FBXO47: variants seen among roughly 807,000 people sequenced by gnomAD.
The protein encoded by FBXO47 is F-box only protein 47.
A neutral mutation model predicts 53.9 loss-of-function variants in FBXO47; 34 were observed. The observed-to-expected ratio is 0.63, with a 90% CI of 0.48 to 0.84. The LOEUF (loss-of-function observed/expected upper bound fraction) is 0.84. Ranked by LOEUF, FBXO47 falls within the 40% of genes least tolerant of loss-of-function variation. The pLI is 0.00. For synonymous variants in FBXO47, 165 were observed against 181.6 expected, an observed-to-expected ratio of 0.91 and a Z score of 0.73; for missense variants, 485 against 541.3, an observed-to-expected ratio of 0.90 and a Z score of 1.03.
At position 38,946,419 on chromosome 17, in the gene FBXO47, T is replaced by C. The variant is rs1177870321; in HGVS notation, c.617-1283A>G. Among the ~76,000 whole-genome samples the C allele has an allele frequency of 1.9e-3, 131 of 70,740 alleles. 4 individuals are homozygous for C. In the East Asian group the frequency reaches 0.071, roughly 39 times the overall value. The allele number at this position is 70,740 out of a possible 152,430, so 46.4% of individuals were successfully genotyped here. A position where few individuals can be genotyped will look rare whatever the true frequency, so the allele number is the denominator to read the frequency against. On this transcript the variant is annotated intron_variant, in intron 6 of 10. Coordinates refer to ENST00000378079, the MANE Select transcript of FBXO47 (RefSeq NM_001008777.3). ...ATATATAAATATATAGATATATATATAACTATATAAATATATATGAATATA... is the reference window on the plus strand; with the variant it reads ...ATATATAAATATATAGATATATATACAACTATATAAATATATATGAATATA...
At chr17:38,944,825 C>G (rs527813295) in intron 7 of FBXO47, 135 bp downstream of exon 7, 8 of 520,892 alleles carry the variant, frequency 1.5e-5, no homozygotes, top group Non-Finnish European at 2.4e-5. Context: ...GAGCCATGAT[C>G]GCACCACTGT....
rs1906148424 is a variant in FBXO47 at position 38,966,694 on chromosome 17, T to G, written c.-27+535A>C. On this transcript the variant is annotated intron_variant, in intron 1 of 10. Transcript: ENST00000378079. ...TGTTTAAAATAAATATAAACAAAAA[T>G]TTAAAAATGATAAGCCCAAATTCTT... is the stretch of plus-strand genomic sequence containing the variant. Among the ~76,000 whole-genome samples, 9 of 152,228 alleles carry G rather than the reference T, an allele frequency of 5.9e-5. No individual in the cohort carries two copies. In the South Asian group the frequency reaches 1.9e-3, roughly 32 times the overall value.
At chr17:38,938,426 G>C in intron 10 of FBXO47, 147 bp downstream of exon 10, 1 of 554,492 alleles carries the variant, frequency 1.8e-6, no homozygotes, top group Non-Finnish European at 3.0e-6. Flanking sequence ...TCTACTTATT[G>C]TTAGTTTTTA....
At chr17:38,951,740 CAT>C in intron 5 of FBXO47, 51 bp from the exon 6 acceptor site, 1 of 1,393,684 alleles carries the variant, frequency 7.2e-7, no homozygotes, top group Non-Finnish European at 1.0e-6. Context: ...CAAGTCAAAA[CAT>C]AAGTCACACC....
chr17:38,960,231 C>T (rs144782579), intron 3 of FBXO47, among the ~76,000 whole-genome samples: 42 of 151,146 alleles, frequency 2.8e-4, no homozygotes, highest in African/African-American at 9.2e-4. Flanking sequence ...CCCAGGAGTA[C>T]GGGCCAGCCT....
rs745342442 is a variant in FBXO47 at position 38,957,250 on chromosome 17, A to T, written c.356T>A (p.Leu119Gln). The change falls in exon 4 of 11, where the codon CTA becomes CAA. Residue 119 changes from leucine (L) to glutamine (Q), a missense_variant. Coordinates refer to ENST00000378079, the MANE Select transcript of FBXO47 (RefSeq NM_001008777.3). ...CAGCAATGTGCATCTTTTAAACAGTAGACCTAAGAAAGTAAAGAGACATAA... is the reference window on the plus strand; with the variant it reads ...CAGCAATGTGCATCTTTTAAACAGTTGACCTAAGAAAGTAAAGAGACATAA... ...AILEHYRSLG[L>Q]LFKRCTLLLP... 4 of 1,606,108 alleles carry T rather than the reference A, an allele frequency of 2.5e-6. No homozygotes were observed. The highest frequency in any genetic ancestry group is 4.5e-5 in the East Asian group (2 of 44,712).
At chr17:38,963,214 G>A (rs1905910502) in intron 1 of FBXO47, among the ~76,000 whole-genome samples, 163 bp from the exon 2 acceptor site, 1 of 151,946 alleles carries the variant, frequency 6.6e-6, no homozygotes, top group South Asian at 2.1e-4. Context: ...GTCTTGCTCT[G>A]TTGCCCAGGC....
chr17:38,948,417 G>T (rs985820161), intron 6 of FBXO47, among the ~76,000 whole-genome samples: 1 of 151,838 alleles, frequency 6.6e-6, no homozygotes, highest in African/African-American at 2.4e-5. Flanking sequence ...GTTTTGCCAT[G>T]TTGACCAGGC....
Position 38,938,822 on chromosome 17 carries a change from T to C in FBXO47, c.1084-90A>G, listed in dbSNP as rs1422539330. The C allele has an allele frequency of 3.7e-6, 4 of 1,084,182 alleles. No homozygotes were observed. In the East Asian group the frequency reaches 9.6e-5, roughly 26 times the overall value. The allele number at this position is 1,084,182 out of a possible 1,614,324, so 67.2% of individuals were successfully genotyped here. A position where few individuals can be genotyped will look rare whatever the true frequency, so the allele number is the denominator to read the frequency against. On this transcript the variant is annotated intron_variant, in intron 9 of 10. Coordinates refer to ENST00000378079, the MANE Select transcript of FBXO47 (RefSeq NM_001008777.3). Reference sequence around the variant, plus strand: ...TGAACAATGATGAATAATTATAGTTTGTGATTTTACATAATTTATGATACC... The same window carrying C: ...TGAACAATGATGAATAATTATAGTTCGTGATTTTACATAATTTATGATACC...
In FBXO47 at chr17:38,943,428, C is replaced by T. The variant is rs534546165; in HGVS notation, c.940+162G>A. Among the ~76,000 whole-genome samples, 6 of 152,214 alleles carry T rather than the reference C, an allele frequency of 3.9e-5. No homozygotes were observed. The East Asian group carries it at 9.6e-4, about 24-fold the overall frequency. ...CAAAGGAAAGTAAGTTGATTATATGCATTCTCTTCAAACATAATGCCAAAC... is the reference window on the plus strand; with the variant it reads ...CAAAGGAAAGTAAGTTGATTATATGTATTCTCTTCAAACATAATGCCAAAC... On this transcript the variant is annotated intron_variant, in intron 8 of 10. Transcript: ENST00000378079.
At position 38,945,064 on chromosome 17, in the gene FBXO47, C is replaced by A; in HGVS notation, c.689G>T (p.Arg230Leu). The change falls in exon 7 of 11, where the codon CGA becomes CTA. Residue 230 changes from arginine to leucine, a missense_variant. Physicochemically the swap from Arg to Leu is moderately radical, Grantham distance 102. Transcript: ENST00000378079. ...CGTCAACCAAAAAGCAGAATCACTT[C>A]GATGTGTCCAATGATCAAGGAGGAC... The part of the protein sequence containing the change: ...RNVLLDHWTH[R>L]SDSAFWLTRI... 1.9e-6 allele frequency: 3 copies of A among 1,613,964 alleles called. No homozygotes were observed. Among genetic ancestry groups the A allele is most frequent in the Non-Finnish European group, 2.5e-6 (3 of 1,179,912 alleles).
chr17:38,938,740 A>G lies in FBXO47; in HGVS notation c.1084-8T>C. 6.4e-7 allele frequency: 1 copy of G among 1,570,620 alleles called. No homozygotes were observed. The highest frequency in any genetic ancestry group is 8.7e-7 in the Non-Finnish European group (1 of 1,147,758). ...CAGTTCTTTCTCACACACCTGATTTAGACATATAAAGCGCTATAAACCTTC... is the reference window on the plus strand; with the variant it reads ...CAGTTCTTTCTCACACACCTGATTTGGACATATAAAGCGCTATAAACCTTC... On this transcript the variant is annotated splice_region_variant and splice_polypyrimidine_tract_variant and intron_variant, in intron 9 of 10. Transcript: ENST00000378079.
At chr17:38,946,185 AATATATAAAAATATATATAAAT>A in intron 6 of FBXO47, among the ~76,000 whole-genome samples, 1 of 115,186 alleles carries the variant, frequency 8.7e-6, no homozygotes, top group Non-Finnish European at 1.6e-5. Flanking sequence ...AATATATATA[AATATATAAAAATATATATAAAT>A]ATATACAAAA....
intron 6 of FBXO47, among the ~76,000 whole-genome samples, chr17:38,946,298 A>T (rs1904808530): frequency 2.0e-5 from 1 of 49,986 alleles, no homozygotes; most frequent in Non-Finnish European, 4.0e-5. Flanking sequence ...ATATATAAAA[A>T]TATATATAAA....
chr17:38,946,352 A>AATATATATATC (rs1567716621), intron 6 of FBXO47, among the ~76,000 whole-genome samples: 9 of 87,474 alleles, frequency 1.0e-4, no homozygotes, highest in African/African-American at 2.8e-4. Flanking sequence ...AAATATATAA[A>AATATATATATC]TATATATAAA....
Position 38,937,117 on chromosome 17 carries a change from A to G in FBXO47, c.*58T>C, listed in dbSNP as rs1323827779. ...GATGCTATTTTTTGAGTGAAAAAGT[A>G]GCACTCCTCTAATCATTCGTTCAGT... On this transcript the variant is annotated 3_prime_UTR_variant, in exon 11 of 11. Coordinates refer to ENST00000378079, the MANE Select transcript of FBXO47 (RefSeq NM_001008777.3). The G allele has an allele frequency of 6.1e-6, 4 of 657,414 alleles. No individual in the cohort carries two copies. The highest frequency in any genetic ancestry group is 5.7e-5 in the African/African-American group (3 of 52,934). The allele number at this position is 657,414 out of a possible 1,614,324, so 40.7% of individuals were successfully genotyped here.
intron 6 of FBXO47, among the ~76,000 whole-genome samples, chr17:38,946,031 A>G (rs1439866950): frequency 1.5e-5 from 2 of 133,662 alleles, no homozygotes; most frequent in Non-Finnish European, 3.1e-5. Flanking sequence ...ATATAAAAAT[A>G]TATATAAATA....
At chr17:38,954,018 T>C (rs1457682510) in intron 5 of FBXO47, among the ~76,000 whole-genome samples, 1 of 151,880 alleles carries the variant, frequency 6.6e-6, no homozygotes, top group Non-Finnish European at 1.5e-5. Context: ...TGTTGTCGGG[T>C]GTGGTTGCTC....
intron 6 of FBXO47, among the ~76,000 whole-genome samples, chr17:38,946,209 T>G (rs1217181924): frequency 8.9e-6 from 1 of 112,490 alleles, no homozygotes; most frequent in Non-Finnish European, 1.6e-5. Context: ...TATATAAATA[T>G]ATACAAAAAT....
Sources: allele counts gnomAD v4.1 joint callset (sites outside exome capture counted in the v4.1 genomes callset), GRCh38; gene constraint gnomAD v4.1.1; transcripts MANE v1.5; gene names NCBI Gene and HGNC (gene_info 2026-07-23, HGNC 2026-07-21).